SZT2: variants seen among roughly 807,000 people sequenced by gnomAD.
SZT2 encodes KICSTOR complex protein SZT2.
Under a neutral mutation model 404.2 loss-of-function variants are expected in SZT2, and 216 were observed. That is an observed-to-expected ratio of 0.53 (90% CI 0.48 to 0.60). The LOEUF is 0.60. Among genes scored for constraint, SZT2 ranks in the 20% least tolerant of loss-of-function variants. SZT2 has a pLI of 0.00. For synonymous variants in SZT2, 1,693 were observed against 1,749.9 expected, an observed-to-expected ratio of 0.97 and a Z score of 0.81; for missense variants, 3,857 against 4,459.2, an observed-to-expected ratio of 0.86 and a Z score of 3.85.
rs1057386101 is a variant in SZT2 at position 43,422,012 on chromosome 1, T to C, written c.1627-71T>C. 44 of 1,503,468 alleles carry C rather than the reference T, an allele frequency of 2.9e-5. No individual in the cohort carries two copies. In the African/African-American group the frequency reaches 5.6e-4, roughly 19 times the overall value. 93.1% of individuals were successfully genotyped at this position (1,503,468 alleles called of 1,614,324 possible). On this transcript the variant is annotated intron_variant, in intron 11 of 71. Transcript: ENST00000634258. ...TCTGAACGGAGTCCACCCATGGTTT[T>C]GTTTGCTCTTTGGAGTTTGTACCCT...
In SZT2 at chr1:43,435,135, C is replaced by T. The variant is rs1031785634; in HGVS notation, c.5905-65C>T. ...CATTCTCTCTGGCATTTGATCACCC[C>T]TGACCACCACCACCCACTTAGGAGG... On this transcript the variant is annotated intron_variant, in intron 41 of 71. Coordinates refer to ENST00000634258, the MANE Select transcript of SZT2 (RefSeq NM_001365999.1). The T allele has an allele frequency of 3.2e-6, 5 of 1,585,082 alleles. No individual in the cohort carries two copies. In the African/African-American group the frequency reaches 6.7e-5, roughly 21 times the overall value.
Position 43,450,550 on chromosome 1 carries a change from C to G in SZT2, c.*70C>G. 1.3e-6 allele frequency: 2 copies of G among 1,594,768 alleles called. No individual in the cohort carries two copies. The highest frequency in any genetic ancestry group is 1.1e-5 in the South Asian group (1 of 89,140). On this transcript the variant is annotated 3_prime_UTR_variant, in exon 72 of 72. Transcript: ENST00000634258. This position sits in a 1 kb window ranked among gnomAD's most constrained non-coding sequence, Gnocchi z 4.3. Reference sequence around the variant, plus strand: ...GGCCTACCAGATTGCCTGCCAGAGGCAGGACTGACCAGCCCTTCTGGGCCC... The same window carrying G: ...GGCCTACCAGATTGCCTGCCAGAGGGAGGACTGACCAGCCCTTCTGGGCCC...
At chr1:43,423,338 G>T (rs766964287) in intron 15 of SZT2, 22 bp downstream of exon 15, 8 of 1,517,838 alleles carry the variant, frequency 5.3e-6, no homozygotes, top group Non-Finnish European at 1.8e-6. Flanking sequence ...GGTGTGGAAG[G>T]GCGTGGCTTA....
At position 43,437,590 on chromosome 1, in the gene SZT2, C is replaced by T; in HGVS notation, c.6291-5C>T. 1 of 1,614,060 alleles carries T rather than the reference C, an allele frequency of 6.2e-7. No individual in the cohort carries two copies. The highest frequency in any genetic ancestry group is 8.5e-7 in the Non-Finnish European group (1 of 1,179,994). On this transcript the variant is annotated splice_region_variant and splice_polypyrimidine_tract_variant and intron_variant, in intron 44 of 71. Transcript: ENST00000634258. This position sits in a 1 kb window ranked among gnomAD's most constrained non-coding sequence, Gnocchi z 5.3. ...CATGTCCAAAGACATGCTGCTCTTT[C>T]CCAGGCTCCTAGAGACATCCTGCAG...
chr1:43,439,485 A>G lies in SZT2; in HGVS notation c.6877+43A>G. On this transcript the variant is annotated intron_variant, in intron 49 of 71. Coordinates refer to ENST00000634258, the MANE Select transcript of SZT2 (RefSeq NM_001365999.1). This position sits in a 1 kb window ranked among gnomAD's most constrained non-coding sequence, Gnocchi z 4.2. ...GGCCTGTGGCACCACCAGGTGAGGG[A>G]AAGCCTTTTGTCATCCTATTGCTAA... The G allele has an allele frequency of 6.3e-7, 1 of 1,598,052 alleles. No individual in the cohort carries two copies.
chr1:43,417,901 A>G (rs1430140138), intron 7 of SZT2, among the ~76,000 whole-genome samples: 1 of 152,224 alleles, frequency 6.6e-6, no homozygotes, highest in African/African-American at 2.4e-5. Context: ...GGAATGAAGA[A>G]TCAGCCAGGA....
chr1:43,411,046 C>T (rs1650977426), intron 4 of SZT2, among the ~76,000 whole-genome samples: 1 of 152,178 alleles, frequency 6.6e-6, no homozygotes, highest in Non-Finnish European at 1.5e-5. Context: ...GAATTGGTGA[C>T]TGTAAAGCCT....
chr1:43,442,627 T>G lies in SZT2; in HGVS notation c.8151+9T>G, dbSNP rs779451766. Reference sequence around the variant, plus strand: ...CCGTGCGAGATGAAAAGGTGCCTGCTGCTCTGGTTCTTCCTATAGTTTTGG... The same window carrying G: ...CCGTGCGAGATGAAAAGGTGCCTGCGGCTCTGGTTCTTCCTATAGTTTTGG... On this transcript the variant is annotated intron_variant, in intron 58 of 71. Coordinates refer to ENST00000634258, the MANE Select transcript of SZT2 (RefSeq NM_001365999.1). This position sits in a 1 kb window ranked among gnomAD's most constrained non-coding sequence, Gnocchi z 4.5. The G allele has an allele frequency of 1.9e-4, 296 of 1,592,196 alleles. 4 individuals carry two copies. In the Middle Eastern group the frequency reaches 5.7e-3, roughly 31 times the overall value.
chr1:43,419,595 C>T, intron 7 of SZT2, 139 bp from the exon 8 acceptor site: 1 of 688,238 alleles, frequency 1.5e-6, no homozygotes, highest in African/African-American at 1.8e-5. Context: ...AGTGGTCTGT[C>T]CTGGGAAAAC....
At position 43,439,870 on chromosome 1, in the gene SZT2, TCTC is replaced by T. The variant is rs1557587540; in HGVS notation, c.7043-8_7043-6del. The T allele has an allele frequency of 1.9e-6, 3 of 1,581,634 alleles. No homozygotes were observed. Among genetic ancestry groups the T allele is most frequent in the South Asian group, 1.2e-5 (1 of 84,358 alleles). On this transcript the variant is annotated splice_polypyrimidine_tract_variant and splice_region_variant and intron_variant, in intron 50 of 71. Coordinates refer to ENST00000634258, the MANE Select transcript of SZT2 (RefSeq NM_001365999.1). The surrounding 1 kb of genome is among the most constrained non-coding windows in gnomAD (Gnocchi z 4.2). ...TAGGGACACCCTCAAGTGTCCCTGTTCTCCTTCCAGCTCAGAATGGGGCCCCAC... is the reference window on the plus strand; with the variant it reads ...TAGGGACACCCTCAAGTGTCCCTGTTCTTCCAGCTCAGAATGGGGCCCCAC...
At chr1:43,392,715 A>G (rs77726149) in intron 1 of SZT2, among the ~76,000 whole-genome samples, 4,711 of 152,244 alleles carry the variant, frequency 0.031, 238 homozygotes, top group African/African-American at 0.11. Flanking sequence ...GCCCAGCCTA[A>G]GTTAAGCATT....
In SZT2 at chr1:43,451,205, C is replaced by T. The variant is rs1656358953; in HGVS notation, c.*725C>T. ...AGAGGAGGAGATGGGATGTCACTCG[C>T]TGTCTGGAGGCACGTGGGTGGTGTG... On this transcript the variant is annotated 3_prime_UTR_variant, in exon 72 of 72. Coordinates refer to ENST00000634258, the MANE Select transcript of SZT2 (RefSeq NM_001365999.1). 2 of 1,600,166 alleles carry T rather than the reference C, an allele frequency of 1.2e-6. No individual in the cohort carries two copies. The highest frequency in any genetic ancestry group is 1.3e-5 in the African/African-American group (1 of 74,812).
At chr1:43,415,879 T>G in intron 5 of SZT2, 81 bp from the exon 6 acceptor site, 8 of 1,485,512 alleles carry the variant, frequency 5.4e-6, no homozygotes, top group Non-Finnish European at 7.2e-6. Flanking sequence ...TGAGAAGTGC[T>G]GGGCTATAAA....
chr1:43,440,281 G>A (rs976832566), intron 51 of SZT2, among the ~76,000 whole-genome samples, 172 bp from the exon 52 acceptor site: 1 of 152,224 alleles, frequency 6.6e-6, no homozygotes, highest in Non-Finnish European at 1.5e-5. Context: ...TATTGCATCA[G>A]AGGCTCACTT....
rs1655345303 is a variant in SZT2, at chr1:43,443,701, G to A, written c.8730G>A (p.Lys2910=). Reference sequence around the variant, plus strand: ...GAGCCCGTGAGGAGCCTTGGCTGAAGGAGCTGAGCTTGGCTTTCCTGCAGC... The same window carrying A: ...GAGCCCGTGAGGAGCCTTGGCTGAAAGAGCTGAGCTTGGCTTTCCTGCAGC... The part of the protein sequence containing the change: ...PPGAREEPWL[K]ELSLAFLQQY... Residue 2910 remains lysine (K), a synonymous_variant, in exon 62 of 72, where the codon AAG becomes AAA. Transcript: ENST00000634258. 6.2e-7 allele frequency: 1 copy of A among 1,614,130 alleles called. No homozygotes were observed. The highest frequency in any genetic ancestry group is 8.5e-7 in the Non-Finnish European group (1 of 1,180,046).
chr1:43,449,513 G>A (rs1656119873), intron 70 of SZT2: 1 of 164,172 alleles, frequency 6.1e-6, no homozygotes, highest in Non-Finnish European at 1.3e-5. Flanking sequence ...CGGGTGGTGG[G>A]AAGGCTGGAG....
chr1:43,450,672 C>T lies in SZT2; in HGVS notation c.*192C>T, dbSNP rs376837394. 4 of 824,574 alleles carry T rather than the reference C, an allele frequency of 4.9e-6. No individual in the cohort carries two copies. Among genetic ancestry groups the T allele is most frequent in the Non-Finnish European group, 7.7e-6 (4 of 522,336 alleles). The allele number at this position is 824,574 out of a possible 1,614,324, so 51.1% of individuals were successfully genotyped here. Reference sequence around the variant, plus strand: ...GGCAGCAGGAACCGCCCTCCCCAAACACCCACAGCCACTGACCCATCCAGG... The same window carrying T: ...GGCAGCAGGAACCGCCCTCCCCAAATACCCACAGCCACTGACCCATCCAGG... On this transcript the variant is annotated 3_prime_UTR_variant, in exon 72 of 72. Coordinates refer to ENST00000634258, the MANE Select transcript of SZT2 (RefSeq NM_001365999.1). This position sits in a 1 kb window ranked among gnomAD's most constrained non-coding sequence, Gnocchi z 4.3.
In SZT2 at chr1:43,424,141, A is replaced by T. The variant is rs1484450324; in HGVS notation, c.2256-76A>T. The T allele has an allele frequency of 4.7e-6, 6 of 1,287,244 alleles. No homozygotes were observed. The East Asian group carries it at 1.5e-4, about 32-fold the overall frequency. The allele number at this position is 1,287,244 out of a possible 1,614,324, so 79.7% of individuals were successfully genotyped here. ...GAAGGGCGTGGCTTAGCCAGCTGTG[A>T]GTGGTACAGAGGTGTGGAAGGGCGT... On this transcript the variant is annotated intron_variant, in intron 15 of 71. Transcript: ENST00000634258. This position sits in a 1 kb window ranked among gnomAD's most constrained non-coding sequence, Gnocchi z 4.1.
In SZT2 at chr1:43,397,593, TCTTGGCTC is replaced by T. The variant is rs1256496330; in HGVS notation, c.28-5583_28-5576del. Among the ~76,000 whole-genome samples, 160 of 151,062 alleles carry T rather than the reference TCTTGGCTC, an allele frequency of 1.1e-3. No individual in the cohort carries two copies. In the East Asian group the frequency reaches 0.021, roughly 20 times the overall value. The stretch of plus-strand genomic sequence containing the variant: ...CCCAGGCTGGAGTGCAGTGGTGCAA[TCTTGGCTC>T]ACTGCAGCCTCCACCTCCTGGGTTC... On this transcript the variant is annotated intron_variant, in intron 1 of 71. Transcript: ENST00000634258.
Sources: allele counts gnomAD v4.1 joint callset (sites outside exome capture counted in the v4.1 genomes callset), GRCh38; gene constraint gnomAD v4.1.1; non-coding constraint Gnocchi (gnomAD v3.1); transcripts MANE v1.5; gene names NCBI Gene and HGNC (gene_info 2026-07-23, HGNC 2026-07-21).